HGD: variants seen among roughly 807,000 people sequenced by gnomAD.
HGD encodes homogentisate 1,2-dioxygenase.
A neutral mutation model predicts 60.8 loss-of-function variants in HGD; 61 were observed. The ratio of observed to expected loss-of-function variants is 1.00; its 90% confidence interval spans 0.82 to 1.24. The LOEUF (loss-of-function observed/expected upper bound fraction) is 1.24, where lower values mean the gene tolerates loss of function less well. Ranked by LOEUF, HGD falls within the 50% of genes most tolerant of loss-of-function variation. The pLI is 0.00. For missense variants in HGD, 542 were observed against 547.1 expected (o/e 0.99, Z 0.09); for synonymous variants, 212 against 187.7 (o/e 1.13, Z -1.06).
intron 4 of HGD, among the ~76,000 whole-genome samples, chr3:120,666,276 G>A (rs1206903848): frequency 6.6e-6 from 1 of 152,060 alleles, no homozygotes; most frequent in Non-Finnish European, 1.5e-5. Context: ...GGAAGATATT[G>A]GAGAAGAAAT....
At chr3:120,677,495 GA>G (rs913400888) in intron 1 of HGD, among the ~76,000 whole-genome samples, 1 of 152,138 alleles carries the variant, frequency 6.6e-6, no homozygotes, top group African/African-American at 2.4e-5. Flanking sequence ...GGCTTATTAG[GA>G]AGAGGAAATT....
rs1246560873 is a variant in HGD at position 120,672,189 on chromosome 3, A to G, written c.177-1657T>C. 3.3e-5 allele frequency among the ~76,000 whole-genome samples: 5 copies of G among 152,184 alleles called. No homozygotes were observed. The East Asian group carries it at 9.6e-4, about 29-fold the overall frequency. ...AACACTTCTGTACTCTAAAATTATAAGAGTGTATGTCCATGTTTTATTGTA... is the reference window on the plus strand; with the variant it reads ...AACACTTCTGTACTCTAAAATTATAGGAGTGTATGTCCATGTTTTATTGTA... On this transcript the variant is annotated intron_variant, in intron 3 of 13. Transcript: ENST00000283871.
intron 4 of HGD, among the ~76,000 whole-genome samples, chr3:120,665,942 G>A (rs1707888925): frequency 6.6e-6 from 1 of 152,220 alleles, no homozygotes; most frequent in South Asian, 2.1e-4. Context: ...CTTGCTGAGA[G>A]TCTGGAGTAC....
At chr3:120,660,277 A>G (rs913223010) in intron 4 of HGD, among the ~76,000 whole-genome samples, 2 of 152,194 alleles carry the variant, frequency 1.3e-5, no homozygotes, top group African/African-American at 4.8e-5. Flanking sequence ...AATACAATGT[A>G]TAAATAGTTG....
chr3:120,632,301 T>C (rs916051833), intron 13 of HGD, among the ~76,000 whole-genome samples: 3 of 152,186 alleles, frequency 2.0e-5, no homozygotes, highest in East Asian at 1.9e-4. Flanking sequence ...CCAGGTAGCA[T>C]TGAAGGCATT....
chr3:120,670,165 C>T, intron 4 of HGD: 1 of 485,590 alleles, frequency 2.1e-6, no homozygotes, highest in South Asian at 2.3e-5. Flanking sequence ...TTTCTTGAGG[C>T]CTCCTCAGCC....
intron 1 of HGD, among the ~76,000 whole-genome samples, chr3:120,677,279 A>G (rs61795597): frequency 0.17 from 26,597 of 152,152 alleles, 2,451 homozygotes; most frequent in Non-Finnish European, 0.2. Context: ...CTGGTGAGCC[A>G]GGCAGAACAG....
At chr3:120,640,179 C>T (rs113778129) in intron 11 of HGD, among the ~76,000 whole-genome samples, 12,864 of 137,930 alleles carry the variant, frequency 0.093, 720 homozygotes, top group East Asian at 0.22. Flanking sequence ...CATATGTACC[C>T]TTGAACCTAA....
chr3:120,653,048 T>C (rs1171670751), intron 4 of HGD, among the ~76,000 whole-genome samples: 1 of 152,224 alleles, frequency 6.6e-6, no homozygotes, highest in Admixed American at 6.5e-5. Flanking sequence ...TTTCCTGGCA[T>C]GCCAGCCTCC....
At chr3:120,629,343 C>T (rs143845329) in intron 13 of HGD, among the ~76,000 whole-genome samples, 2,283 of 152,234 alleles carry the variant, frequency 0.015, 64 homozygotes, top group African/African-American at 0.051. Context: ...ATAATACAGA[C>T]AGGCAAAAGG....
intron 4 of HGD, among the ~76,000 whole-genome samples, chr3:120,656,613 G>A (rs112635073): frequency 1.4e-4 from 21 of 152,018 alleles, no homozygotes; most frequent in South Asian, 6.2e-4. Context: ...GTGCAGTGGC[G>A]CGATATTGGC....
Position 120,633,330 on chromosome 3 carries a change from T to A in HGD, c.1007-2A>T, listed in dbSNP as rs1559781702. The A allele has an allele frequency of 1.1e-5, 18 of 1,614,070 alleles. No homozygotes were observed. The highest frequency in any genetic ancestry group is 1.4e-5 in the Non-Finnish European group (16 of 1,180,020). ...CCATGAACTCACTCATGCAGTTCCC[T>A]GGGAAGGTTGAAGCAGTATTATTTT... On this transcript the variant is annotated splice_acceptor_variant, in intron 12 of 13. Coordinates refer to ENST00000283871, the MANE Select transcript of HGD (RefSeq NM_000187.4). LOFTEE classifies it high-confidence loss of function.
intron 13 of HGD, among the ~76,000 whole-genome samples, chr3:120,628,825 T>A (rs1940497310): frequency 6.6e-6 from 1 of 152,212 alleles, no homozygotes; most frequent in Admixed American, 6.5e-5. Context: ...ATTACGGAAC[T>A]AAGTCTGCTA....
At chr3:120,670,106 G>A (rs1303879079) in intron 4 of HGD, among the ~76,000 whole-genome samples, 9 of 152,022 alleles carry the variant, frequency 5.9e-5, no homozygotes, top group Admixed American at 3.9e-4. Context: ...CTCTCCTGCC[G>A]CCATATGAAG....
intron 4 of HGD, among the ~76,000 whole-genome samples, chr3:120,657,232 C>G (rs1464578784): frequency 6.6e-6 from 1 of 152,152 alleles, no homozygotes; most frequent in African/African-American, 2.4e-5. Flanking sequence ...TTGAAAGCAT[C>G]TTTAAGGGTG....
At position 120,670,494 on chromosome 3, in the gene HGD, G is replaced by A; in HGVS notation, c.215C>T (p.Pro72Leu). The change falls in exon 4 of 14, where the codon CCC becomes CTC. Residue 72 changes from proline (P) to leucine (L), a missense_variant. Transcript: ENST00000283871. ...TTGGCCTTCGTCAATGGATTCAAAGGGCTTGTGAGAAACTGAAGGTAGAAT... is the reference window on the plus strand; with the variant it reads ...TTGGCCTTCGTCAATGGATTCAAAGAGCTTGTGAGAAACTGAAGGTAGAAT... ...YRILPSVSHK[P>L]FESIDEGQVT... 3 of 1,610,194 alleles carry A rather than the reference G, an allele frequency of 1.9e-6. No individual in the cohort carries two copies. The highest frequency in any genetic ancestry group is 1.7e-4 in the Middle Eastern group (1 of 6,054).
intron 4 of HGD, among the ~76,000 whole-genome samples, chr3:120,653,042 C>T (rs944036811): frequency 6.6e-6 from 1 of 152,190 alleles, no homozygotes; most frequent in Non-Finnish European, 1.5e-5. Context: ...GGTCCCTTTC[C>T]TGGCATGCCA....
intron 12 of HGD, among the ~76,000 whole-genome samples, chr3:120,635,346 G>A (rs568812288): frequency 1.3e-5 from 2 of 151,902 alleles, no homozygotes; most frequent in South Asian, 2.1e-4. Context: ...GCGTGGTAGC[G>A]GGCGCCTGTA....
intron 6 of HGD, 65 bp downstream of exon 6, chr3:120,650,709 G>A (rs1941310512): frequency 8.2e-7 from 1 of 1,216,224 alleles, no homozygotes; most frequent in African/African-American, 1.5e-5. Flanking sequence ...GAAACCTGGA[G>A]TTTGACTTCT....
Sources: allele counts gnomAD v4.1 joint callset (sites outside exome capture counted in the v4.1 genomes callset), GRCh38; gene constraint gnomAD v4.1.1; transcripts MANE v1.5; gene names NCBI Gene and HGNC (gene_info 2026-07-23, HGNC 2026-07-21).